Variants in TEX9 observed in about 807,000 individuals in gnomAD.
TEX9 encodes the protein testis-expressed protein 9.
Under a neutral mutation model 59.6 loss-of-function variants are expected in TEX9, and 74 were observed. The ratio of observed to expected loss-of-function variants is 1.24; its 90% CI spans 1.03 to 1.51. TEX9 has a LOEUF of 1.51. TEX9 is among the 40% of genes most tolerant of loss of function. The probability of loss-of-function intolerance (pLI) is 0.00; values close to 1 mark genes in which losing one functional copy is unlikely to be tolerated. For synonymous variants in TEX9, 186 were observed against 152.2 expected (o/e 1.22, Z -1.64); for missense variants, 522 against 447.8 (o/e 1.17, Z -1.49).
At chr15:56,276,358 T>C (rs145039315) in intron 1 of TEX9, among the ~76,000 whole-genome samples, 2,760 of 152,162 alleles carry the variant, frequency 0.018, 82 homozygotes, top group African/African-American at 0.061. Context: ...GGCCCTGGTG[T>C]GTGATGTTCC....
At chr15:56,358,794 G>A (rs1441768306) in intron 1 of TEX9, among the ~76,000 whole-genome samples, 1 of 152,090 alleles carries the variant, frequency 6.6e-6, no homozygotes, top group African/African-American at 2.4e-5. Context: ...TCATGGGAGT[G>A]GTGTCCCCCA....
intron 4 of TEX9, among the ~76,000 whole-genome samples, chr15:56,384,903 GA>G (rs1171878733): frequency 1.1e-4 from 17 of 152,254 alleles, no homozygotes; most frequent in African/African-American, 3.8e-4. Context: ...TTTGTAAGCA[GA>G]AATAAAAGGG....
intron 1 of TEX9, among the ~76,000 whole-genome samples, chr15:56,293,489 T>C (rs1471981052): frequency 6.6e-6 from 1 of 152,232 alleles, no homozygotes; most frequent in African/African-American, 2.4e-5. Context: ...TTTGCCCAAC[T>C]ACCAGGAAGT....
chr15:56,409,597 C>G (rs2049249571), intron 9 of TEX9, among the ~76,000 whole-genome samples: 2 of 152,142 alleles, frequency 1.3e-5, no homozygotes, highest in South Asian at 4.1e-4. Context: ...ACCTCCCCAG[C>G]TCAAGCAATC....
chr15:56,456,341 T>G, the TEX9 span: 1 of 1,531,034 alleles, frequency 6.5e-7, no homozygotes. Context: ...AAGGATTACA[T>G]AAGAGTTTAA....
chr15:56,431,652 A>G (rs887753350), intron 12 of TEX9, among the ~76,000 whole-genome samples: 1 of 151,972 alleles, frequency 6.6e-6, no homozygotes, highest in Admixed American at 6.6e-5. Flanking sequence ...TTTTTAAAAT[A>G]TATATTTTAT....
chr15:56,328,657 G>T (rs1254721292), intron 1 of TEX9, among the ~76,000 whole-genome samples: 1 of 152,182 alleles, frequency 6.6e-6, no homozygotes, highest in Non-Finnish European at 1.5e-5. Flanking sequence ...AAGCTTCAAG[G>T]ACCTGTGGTA....
chr15:56,259,383 C>G lies in TEX9; in HGVS notation c.-107+15105C>G, dbSNP rs373277415. Among the ~76,000 whole-genome samples the G allele has an allele frequency of 5.9e-5, 9 of 152,040 alleles. 1 individual carries two copies. The East Asian group carries it at 9.6e-4, about 16-fold the overall frequency. On this transcript the variant is annotated intron_variant, in intron 1 of 5. Transcript: ENST00000560827. ...TATTGATTTCTCTTCTTGGATATTA[C>G]TGTTTTTCTTTCACATGAAGGTTTA...
chr15:56,338,985 T>C (rs1385486602), intron 1 of TEX9, among the ~76,000 whole-genome samples: 3 of 152,168 alleles, frequency 2.0e-5, no homozygotes, highest in Non-Finnish European at 4.4e-5. Context: ...CTGGTGTGCA[T>C]GTATTTTACA....
the TEX9 span, chr15:56,456,265 G>T: frequency 1.3e-6 from 1 of 767,698 alleles, no homozygotes. Flanking sequence ...AAAGCAATAA[G>T]TATTTCCAGG....
intron 2 of TEX9, among the ~76,000 whole-genome samples, chr15:56,372,833 CTTG>C: frequency 6.6e-6 from 1 of 152,158 alleles, no homozygotes; most frequent in African/African-American, 2.4e-5. Flanking sequence ...TATTTCTATT[CTTG>C]CTAGATTCCA....
chr15:56,406,850 A>G (rs146698565), intron 9 of TEX9, among the ~76,000 whole-genome samples: 16 of 152,292 alleles, frequency 1.1e-4, no homozygotes, highest in African/African-American at 3.6e-4. Context: ...TATATTTTGA[A>G]TAGTTTCTCT....
chr15:56,293,468 G>A (rs12440478), intron 1 of TEX9, among the ~76,000 whole-genome samples: 1 of 152,202 alleles, frequency 6.6e-6, no homozygotes, highest in East Asian at 1.9e-4. Context: ...TTTCCAAAGA[G>A]AGGTCTGGCC....
At chr15:56,451,127 C>T in the TEX9 span, among the ~76,000 whole-genome samples, 2 of 152,078 alleles carry the variant, frequency 1.3e-5, no homozygotes, top group South Asian at 2.1e-4. Flanking sequence ...ATATTAAATC[C>T]TTATCAGAGA....
At chr15:56,413,221 TTTAA>T (rs2049469833) in intron 10 of TEX9, among the ~76,000 whole-genome samples, 1 of 147,274 alleles carries the variant, frequency 6.8e-6, no homozygotes, top group East Asian at 1.9e-4. Context: ...AATTAAATAA[TTTAA>T]TTTATTTAAT....
chr15:56,296,749 A>G (rs1296483886), intron 1 of TEX9, among the ~76,000 whole-genome samples: 2 of 152,204 alleles, frequency 1.3e-5, no homozygotes, highest in East Asian at 3.8e-4. Context: ...TAGGGAATTC[A>G]TGTCAAAATA....
chr15:56,346,382 G>A (rs1388027290), intron 1 of TEX9, among the ~76,000 whole-genome samples: 4 of 152,140 alleles, frequency 2.6e-5, no homozygotes, highest in African/African-American at 9.7e-5. Flanking sequence ...TACTAGGGAT[G>A]GGCTGAGGCA....
intron 2 of TEX9, among the ~76,000 whole-genome samples, chr15:56,369,974 C>CTGT (rs10653703): frequency 1.3e-5 from 2 of 151,436 alleles, no homozygotes; most frequent in East Asian, 1.9e-4. Context: ...TATGCAGTGT[C>CTGT]TATCTTTCTT....
At chr15:56,447,931 C>T (rs1406979877), downstream of TEX9, among the ~76,000 whole-genome samples, 1 of 152,190 alleles carries the variant, frequency 6.6e-6, no homozygotes, top group African/African-American at 2.4e-5. Context: ...TGGCTTCTTT[C>T]ACTCAATATT....
Sources: allele counts gnomAD v4.1 joint callset (sites outside exome capture counted in the v4.1 genomes callset), GRCh38; gene constraint gnomAD v4.1.1; transcripts MANE v1.5; gene names NCBI Gene and HGNC (gene_info 2026-07-23, HGNC 2026-07-21).